CCNY: variants seen among roughly 807,000 people sequenced by gnomAD.
CCNY encodes the protein cyclin-Y.
A neutral mutation model predicts 42.8 loss-of-function variants in CCNY; 19 were observed. The ratio of observed to expected loss-of-function variants is 0.44; its 90% CI spans 0.31 to 0.65. CCNY has a LOEUF of 0.65. CCNY is among the 30% of genes least tolerant of loss of function. The pLI, the probability that CCNY is intolerant of heterozygous loss-of-function variation, is 0.07. For missense variants in CCNY, 370 were observed against 437.3 expected (o/e 0.85, Z 1.37); for synonymous variants, 165 against 162.7 (o/e 1.01, Z -0.11).
intron 9 of CCNY, among the ~76,000 whole-genome samples, chr10:35,566,761 C>T (rs1841580334): frequency 6.6e-6 from 1 of 152,128 alleles, no homozygotes; most frequent in South Asian, 2.1e-4. Context: ...GGCTGGAGTG[C>T]AGTGGCACGA....
chr10:35,460,926 A>G (rs1005031028), intron 1 of CCNY, among the ~76,000 whole-genome samples: 1 of 152,178 alleles, frequency 6.6e-6, no homozygotes, highest in Non-Finnish European at 1.5e-5. Context: ...AATCAAAGGA[A>G]CTTGTATGTG....
intron 1 of CCNY, among the ~76,000 whole-genome samples, chr10:35,439,977 G>A (rs543025968): frequency 6.6e-6 from 1 of 151,982 alleles, no homozygotes; most frequent in South Asian, 2.1e-4. Context: ...ATTACTGGCA[G>A]TGGAGGATGA....
intron 7 of CCNY, among the ~76,000 whole-genome samples, chr10:35,542,401 T>C (rs1841021023): frequency 6.6e-6 from 1 of 152,112 alleles, no homozygotes; most frequent in Non-Finnish European, 1.5e-5. Context: ...GATCCCTGGC[T>C]GAGGTTGTGT....
intron 7 of CCNY, among the ~76,000 whole-genome samples, chr10:35,539,391 CTCT>C (rs1554799485): frequency 6.6e-6 from 1 of 152,212 alleles, no homozygotes; most frequent in Non-Finnish European, 1.5e-5. Context: ...GCATTCAAAT[CTCT>C]TCTAACATGG....
intron 5 of CCNY, among the ~76,000 whole-genome samples, chr10:35,527,750 T>C (rs1589182740): frequency 6.6e-6 from 1 of 152,224 alleles, no homozygotes; most frequent in African/African-American, 2.4e-5. Context: ...GCAAGATTAA[T>C]GTACAGATTG....
chr10:35,259,929 T>C (rs955533532), intron 3 of CCNY, among the ~76,000 whole-genome samples: 1 of 151,776 alleles, frequency 6.6e-6, no homozygotes, highest in Non-Finnish European at 1.5e-5. Flanking sequence ...GGGCATCCCA[T>C]TGGCTCAGAA....
upstream of CCNY, among the ~76,000 whole-genome samples, chr10:35,331,614 G>A (rs1835945577): frequency 6.6e-6 from 1 of 152,142 alleles, no homozygotes; most frequent in African/African-American, 2.4e-5. Context: ...GGCTAAGCTG[G>A]AACATGACCT....
intron 1 of CCNY, among the ~76,000 whole-genome samples, chr10:35,382,946 T>C (rs1837221459): frequency 6.6e-6 from 1 of 152,210 alleles, no homozygotes; most frequent in Non-Finnish European, 1.5e-5. Flanking sequence ...TCAACCATAC[T>C]ACACTCTGTG....
At chr10:35,549,798 C>T (rs1474241521) in intron 7 of CCNY, among the ~76,000 whole-genome samples, 3 of 78,186 alleles carry the variant, frequency 3.8e-5, no homozygotes, top group Admixed American at 1.3e-4. Flanking sequence ...CTACAGTGCT[C>T]GTGACCCTGC....
intron 3 of CCNY, among the ~76,000 whole-genome samples, chr10:35,296,962 T>C (rs1195274961): frequency 1.3e-5 from 2 of 152,176 alleles, no homozygotes; most frequent in East Asian, 3.9e-4. Flanking sequence ...ATGAGGCCAG[T>C]GTCATCCTGA....
chr10:35,312,574 C>T (rs929175242), intron 3 of CCNY, among the ~76,000 whole-genome samples: 1 of 151,674 alleles, frequency 6.6e-6, no homozygotes, highest in Admixed American at 6.6e-5. Context: ...AGTCATTCTC[C>T]GTTTTGCGAC....
chr10:35,523,167 C>T (rs904120382), intron 4 of CCNY, among the ~76,000 whole-genome samples: 1 of 152,150 alleles, frequency 6.6e-6, no homozygotes, highest in East Asian at 1.9e-4. Context: ...ATGGTCTAGT[C>T]GGGTGAAGCT....
rs200802257 is a variant in CCNY, at chr10:35,364,820, CT to C, written c.154+27615del. Among the ~76,000 whole-genome samples the C allele has an allele frequency of 5.5e-3, 841 of 152,270 alleles. 5 individuals carry two copies. Among genetic ancestry groups the C allele is most frequent in the Admixed American group, 0.016 (242 of 15,298 alleles). On this transcript the variant is annotated intron_variant, in intron 1 of 9. Transcript: ENST00000374704. The stretch of plus-strand genomic sequence containing the variant: ...AAAACCATCTATTACAAACCAAAGT[CT>C]TCACCAAAGCAAAGCCTGTATAAAT...
intron 3 of CCNY, among the ~76,000 whole-genome samples, chr10:35,294,468 G>C (rs1254920718): frequency 2.0e-4 from 30 of 152,292 alleles, no homozygotes; most frequent in Non-Finnish European, 1.5e-5. Flanking sequence ...TATTATGAAA[G>C]ATTGTTACAT....
rs558537585 is a variant in CCNY at position 35,406,755 on chromosome 10, A to G, written c.154+69548A>G. Among the ~76,000 whole-genome samples the G allele has an allele frequency of 5.3e-5, 8 of 152,214 alleles. No homozygotes were observed. The East Asian group carries it at 1.5e-3, about 29-fold the overall frequency. ...CAATGAGCTGTTGGGCGCACCTCCC[A>G]GACGGGGTGGTGGCCGGGCAGAGGG... On this transcript the variant is annotated intron_variant, in intron 1 of 9. Coordinates refer to ENST00000374704, the MANE Select transcript of CCNY (RefSeq NM_145012.6).
At chr10:35,337,314 C>G (rs990175016) in intron 1 of CCNY, 107 bp downstream of exon 1, 1 of 1,178,528 alleles carries the variant, frequency 8.5e-7, no homozygotes, top group Non-Finnish European at 1.1e-6. Flanking sequence ...CTCGGCGACC[C>G]GTGCATAACC....
intron 1 of CCNY, among the ~76,000 whole-genome samples, chr10:35,366,809 G>A (rs1836817899): frequency 6.6e-6 from 1 of 152,164 alleles, no homozygotes; most frequent in South Asian, 2.1e-4. Flanking sequence ...TTGAAACGTA[G>A]CTAGTGTGAC....
At position 35,513,196 on chromosome 10, in the gene CCNY, C is replaced by T. The variant is rs16936096; in HGVS notation, c.265-3327C>T. Among the ~76,000 whole-genome samples the T allele has an allele frequency of 9.2e-3, 1,404 of 152,268 alleles. 14 individuals are homozygous for T. Among genetic ancestry groups the T allele is most frequent in the Middle Eastern group, 0.017 (5 of 294 alleles). On this transcript the variant is annotated intron_variant, in intron 3 of 9. Coordinates refer to ENST00000374704, the MANE Select transcript of CCNY (RefSeq NM_145012.6). ...AGTCTAGCTCTAAAATTCGATTATT[C>T]TGCATATTCATAGCTTAATCTGTAA...
intron 3 of CCNY, among the ~76,000 whole-genome samples, chr10:35,502,544 T>C (rs1840132153): frequency 1.3e-5 from 2 of 152,200 alleles, no homozygotes. Flanking sequence ...GCTACGCCCT[T>C]AGGAGACTGA....
Sources: allele counts gnomAD v4.1 joint callset (sites outside exome capture counted in the v4.1 genomes callset), GRCh38; gene constraint gnomAD v4.1.1; transcripts MANE v1.5; gene names NCBI Gene and HGNC (gene_info 2026-07-23, HGNC 2026-07-21).